FIGN: variants seen among roughly 807,000 people sequenced by gnomAD.
FIGN encodes fidgetin, microtubule severing factor.
Under a neutral mutation model 51.3 loss-of-function variants are expected in FIGN, and 11 were observed. That is an observed-to-expected ratio of 0.21 (90% confidence interval 0.13 to 0.35). The LOEUF is 0.35. FIGN is among the 10% of genes least tolerant of loss of function. The probability of loss-of-function intolerance (pLI) is 1.00; values close to 1 mark genes in which losing one functional copy is unlikely to be tolerated. For missense variants in FIGN, 857 were observed against 943.6 expected (o/e 0.91, Z 1.20); for synonymous variants, 407 against 363.2 (o/e 1.12, Z -1.37).
At chr2:163,731,654 C>T (rs546108640) in intron 2 of FIGN, among the ~76,000 whole-genome samples, 2 of 151,402 alleles carry the variant, frequency 1.3e-5, no homozygotes, top group Admixed American at 6.6e-5. Flanking sequence ...ATATCAGATA[C>T]TGTTTTAAGA....
chr2:163,611,550 T>C lies in FIGN; in HGVS notation c.282A>G (p.Thr94=). The change falls in exon 3 of 3, where the codon ACA becomes ACG. Residue 94 remains threonine (T), a synonymous_variant. Coordinates refer to ENST00000333129, the MANE Select transcript of FIGN (RefSeq NM_018086.4). ...DRPVLSNYSD[T]PSGLVNGRKN... Reference sequence around the variant, plus strand: ...TCCGACCGTTCACTAGTCCTGATGGTGTGTCCGAATAGTTGCTGAGTACGG... The same window carrying C: ...TCCGACCGTTCACTAGTCCTGATGGCGTGTCCGAATAGTTGCTGAGTACGG... 6.2e-6 allele frequency: 10 copies of C among 1,614,222 alleles called. No homozygotes were observed. The highest frequency in any genetic ancestry group is 8.5e-6 in the Non-Finnish European group (10 of 1,180,036).
intron 2 of FIGN, among the ~76,000 whole-genome samples, chr2:163,643,918 G>A (rs1401202451): frequency 3.2e-4 from 24 of 74,434 alleles, no homozygotes; most frequent in African/African-American, 1.2e-3. Flanking sequence ...GGCAACAAGA[G>A]CGAAACTCTG....
At position 163,610,133 on chromosome 2, in the gene FIGN, T is replaced by C. The variant is rs757380398; in HGVS notation, c.1699A>G (p.Ile567Val). 1 of 1,613,978 alleles carries C rather than the reference T, an allele frequency of 6.2e-7. No homozygotes were observed. The highest frequency in any genetic ancestry group is 8.5e-7 in the Non-Finnish European group (1 of 1,180,004). ...CTGGCCACAAGAAAAGAGGCATGGA[T>C]AATTTTCTCTGCTTCTCCTAACCAC... ...AKWLGEAEKI[I>V]HASFLVARCR... The change falls in exon 3 of 3, where the codon ATC becomes GTC. Residue 567 changes from isoleucine (I) to valine (V), a missense_variant. Coordinates refer to ENST00000333129, the MANE Select transcript of FIGN (RefSeq NM_018086.4).
At chr2:163,632,613 G>T (rs529851102) in intron 2 of FIGN, among the ~76,000 whole-genome samples, 2 of 152,308 alleles carry the variant, frequency 1.3e-5, no homozygotes, top group South Asian at 4.1e-4. Context: ...GGAATGTGGG[G>T]ATAAAAACAA....
chr2:163,624,654 G>A (rs1683026400), intron 2 of FIGN, among the ~76,000 whole-genome samples: 1 of 148,856 alleles, frequency 6.7e-6, no homozygotes, highest in African/African-American at 2.5e-5. Context: ...TCTTGTAGCT[G>A]GATTCCAAAG....
chr2:163,684,493 C>T (rs902717802), intron 2 of FIGN, among the ~76,000 whole-genome samples: 2 of 152,196 alleles, frequency 1.3e-5, no homozygotes, highest in African/African-American at 2.4e-5. Flanking sequence ...TCAGGTAACA[C>T]GTCCAAGTCC....
chr2:163,603,991 G>A lies in FIGN; in HGVS notation c.*5561C>T, dbSNP rs1460796154. 1 of 152,034 alleles carries A rather than the reference G, an allele frequency of 6.6e-6. No individual in the cohort carries two copies. Among genetic ancestry groups the A allele is most frequent in the African/African-American group, 2.4e-5 (1 of 41,416 alleles). The allele number at this position is 152,034 out of a possible 1,614,324, so 9.4% of individuals were successfully genotyped here. A position where few individuals can be genotyped will look rare whatever the true frequency, so the allele number is the denominator to read the frequency against. ...TCAGAAACAAAATGCTTTCAGTTATGGAACTTGCAAGCACCATGACTCCAC... is the reference window on the plus strand; with the variant it reads ...TCAGAAACAAAATGCTTTCAGTTATAGAACTTGCAAGCACCATGACTCCAC... On this transcript the variant is annotated 3_prime_UTR_variant, in exon 3 of 3. Coordinates refer to ENST00000333129, the MANE Select transcript of FIGN (RefSeq NM_018086.4).
chr2:163,625,152 G>T (rs1426420964), intron 2 of FIGN, among the ~76,000 whole-genome samples: 2 of 151,880 alleles, frequency 1.3e-5, no homozygotes, highest in Non-Finnish European at 2.9e-5. Flanking sequence ...ACTGATAATT[G>T]ATATTAGCTA....
chr2:163,652,387 C>CACAA (rs1038072090), intron 2 of FIGN, among the ~76,000 whole-genome samples: 2 of 151,276 alleles, frequency 1.3e-5, no homozygotes, highest in Non-Finnish European at 2.9e-5. Flanking sequence ...CACACACACA[C>CACAA]ACTTTCACTA....
intron 2 of FIGN, among the ~76,000 whole-genome samples, chr2:163,679,523 G>C (rs1235716794): frequency 6.6e-6 from 1 of 151,754 alleles, no homozygotes; most frequent in Non-Finnish European, 1.5e-5. Flanking sequence ...CACTATTTGA[G>C]CTAACTGTGG....
At chr2:163,632,206 T>G (rs1349108084) in intron 2 of FIGN, among the ~76,000 whole-genome samples, 3 of 152,184 alleles carry the variant, frequency 2.0e-5, no homozygotes, top group Non-Finnish European at 4.4e-5. Context: ...ATAAAGTATT[T>G]TAAAAGTTAT....
chr2:163,660,776 C>G (rs577975670), intron 2 of FIGN, among the ~76,000 whole-genome samples: 17 of 83,900 alleles, frequency 2.0e-4, no homozygotes, highest in African/African-American at 9.3e-4. Context: ...TATGTATACA[C>G]ATATACATAT....
intron 2 of FIGN, among the ~76,000 whole-genome samples, chr2:163,634,192 T>C (rs1480973242): frequency 6.6e-6 from 1 of 152,024 alleles, no homozygotes; most frequent in African/African-American, 2.4e-5. Flanking sequence ...GCATATTGTA[T>C]TAAAATATGG....
chr2:163,626,654 C>T (rs1282639563), intron 2 of FIGN, among the ~76,000 whole-genome samples: 1 of 152,040 alleles, frequency 6.6e-6, no homozygotes, highest in Non-Finnish European at 1.5e-5. Context: ...ACTAGAGCAA[C>T]TTCATCTTGA....
At position 163,731,031 on chromosome 2, in the gene FIGN, C is replaced by CA. The variant is rs139675728; in HGVS notation, c.25+3871dup. On this transcript the variant is annotated intron_variant, in intron 2 of 2. Transcript: ENST00000333129. The stretch of plus-strand genomic sequence containing the variant: ...AAACCTTAAAAGCCTGCAATTGTTT[C>CA]AAATACATCTAGTAATTCTGTTGAT... Among the ~76,000 whole-genome samples the CA allele has an allele frequency of 8.7e-3, 1,324 of 152,218 alleles. 22 individuals carry two copies. The highest frequency in any genetic ancestry group is 0.03 in the African/African-American group (1,264 of 41,532).
intron 2 of FIGN, among the ~76,000 whole-genome samples, chr2:163,702,961 G>A (rs74901470): frequency 0.034 from 5,159 of 151,058 alleles, 258 homozygotes; most frequent in African/African-American, 0.11. Flanking sequence ...CATACTAAAA[G>A]CTCGGCATAA....
At chr2:163,649,731 T>C (rs1057512646) in intron 2 of FIGN, among the ~76,000 whole-genome samples, 2 of 152,210 alleles carry the variant, frequency 1.3e-5, no homozygotes, top group African/African-American at 4.8e-5. Context: ...GTATTTTGTT[T>C]GTTAAGCAGC....
In FIGN at chr2:163,685,447, T is replaced by C. The variant is rs553626304; in HGVS notation, c.25+49456A>G. On this transcript the variant is annotated intron_variant, in intron 2 of 2. Transcript: ENST00000333129. Reference sequence around the variant, plus strand: ...CTTTTTCTGACATCTTCTAGATAAATACATGTTTGGCCGTGTTCCCCTTAG... The same window carrying C: ...CTTTTTCTGACATCTTCTAGATAAACACATGTTTGGCCGTGTTCCCCTTAG... Among the ~76,000 whole-genome samples, 8 of 152,270 alleles carry C rather than the reference T, an allele frequency of 5.3e-5. No homozygotes were observed. In the East Asian group the frequency reaches 9.7e-4, roughly 18 times the overall value.
chr2:163,734,058 T>C (rs963385388), intron 2 of FIGN, among the ~76,000 whole-genome samples: 1 of 151,738 alleles, frequency 6.6e-6, no homozygotes, highest in Non-Finnish European at 1.5e-5. Context: ...TTACAAAGTG[T>C]ACACAGGGCA....
Sources: allele counts gnomAD v4.1 joint callset (sites outside exome capture counted in the v4.1 genomes callset), GRCh38; gene constraint gnomAD v4.1.1; transcripts MANE v1.5; gene names NCBI Gene and HGNC (gene_info 2026-07-23, HGNC 2026-07-21).